LMCD1: variants seen among roughly 807,000 people sequenced by gnomAD.
LMCD1 encodes LIM and cysteine rich domains 1, also known as LIM and cysteine-rich domains protein 1.
A neutral mutation model predicts 42.7 loss-of-function variants in LMCD1; 32 were observed. That is an observed-to-expected ratio of 0.75 (90% CI 0.57 to 1.01). The LOEUF is 1.01. Ranked by LOEUF, LMCD1 falls within the 50% of genes least tolerant of loss-of-function variation. The pLI, the probability that LMCD1 is intolerant of heterozygous loss-of-function variation, is 0.00. For missense variants in LMCD1, 458 were observed against 483.1 expected (o/e 0.95, Z 0.49); for synonymous variants, 178 against 184.9 (o/e 0.96, Z 0.30).
intron 1 of LMCD1, among the ~76,000 whole-genome samples, chr3:8,507,583 G>A (rs998275766): frequency 3.3e-5 from 5 of 152,162 alleles, no homozygotes; most frequent in African/African-American, 1.2e-4. Flanking sequence ...GCAAGTTTGG[G>A]GCTAGGCAAA....
intron 3 of LMCD1, among the ~76,000 whole-genome samples, chr3:8,540,248 C>T (rs1694598756): frequency 6.6e-6 from 1 of 152,174 alleles, no homozygotes; most frequent in Non-Finnish European, 1.5e-5. Flanking sequence ...TTTGCTATCT[C>T]TCATCCTTTG....
rs949800375 is a variant in LMCD1 at position 8,572,054 on chromosome 3, G to A, written c.*4456G>A. The A allele has an allele frequency of 2.6e-5, 4 of 152,182 alleles. No homozygotes were observed. The highest frequency in any genetic ancestry group is 5.9e-5 in the Non-Finnish European group (4 of 68,032). 9.4% of individuals were successfully genotyped at this position (152,182 alleles called of 1,614,324 possible). On this transcript the variant is annotated 3_prime_UTR_variant, in exon 6 of 6. Transcript: ENST00000157600. ...TTTATAACAAAAACATTCAGTCTAA[G>A]ATCACTCATTCTATTTAGTTATCTT...
chr3:8,530,308 G>A (rs1694387938), intron 1 of LMCD1, among the ~76,000 whole-genome samples: 1 of 152,220 alleles, frequency 6.6e-6, no homozygotes, highest in Non-Finnish European at 1.5e-5. Flanking sequence ...TTTAGGCTGG[G>A]CAAGGAAATG....
chr3:8,513,597 T>C (rs891399811), intron 1 of LMCD1, among the ~76,000 whole-genome samples: 1 of 151,888 alleles, frequency 6.6e-6, no homozygotes, highest in African/African-American at 2.4e-5. Flanking sequence ...ATGTAGAACA[T>C]GACTTTCAAA....
At chr3:8,551,713 AC>A (rs1285110700) in intron 4 of LMCD1, among the ~76,000 whole-genome samples, 1 of 150,804 alleles carries the variant, frequency 6.6e-6, no homozygotes, top group Non-Finnish European at 1.5e-5. Context: ...GTTCCCAGCA[AC>A]CCCGCCATTA....
At chr3:8,523,361 A>G (rs947627615) in intron 1 of LMCD1, among the ~76,000 whole-genome samples, 1 of 152,234 alleles carries the variant, frequency 6.6e-6, no homozygotes, top group African/African-American at 2.4e-5. Flanking sequence ...ACACATACAC[A>G]TGCACACACA....
At chr3:8,509,860 T>G (rs1693959809) in intron 1 of LMCD1, among the ~76,000 whole-genome samples, 1 of 152,202 alleles carries the variant, frequency 6.6e-6, no homozygotes, top group African/African-American at 2.4e-5. Context: ...CCAGTGGCAC[T>G]GAGTGAAAAG....
chr3:8,544,416 A>G (rs537606590), intron 3 of LMCD1, among the ~76,000 whole-genome samples: 1 of 152,314 alleles, frequency 6.6e-6, no homozygotes, highest in South Asian at 2.1e-4. Context: ...TTAGCTGGGT[A>G]TGCTGTGAGC....
At chr3:8,562,707 C>G (rs2125040038) in intron 4 of LMCD1, among the ~76,000 whole-genome samples, 1 of 152,292 alleles carries the variant, frequency 6.6e-6, no homozygotes, top group Non-Finnish European at 1.5e-5. Context: ...ATTCCCTTAC[C>G]CTGTGATTGT....
intron 1 of LMCD1, among the ~76,000 whole-genome samples, chr3:8,521,797 G>T (rs964433168): frequency 6.6e-6 from 1 of 152,194 alleles, no homozygotes; most frequent in Admixed American, 6.5e-5. Context: ...GACAGTGCTG[G>T]TAGATTCGGT....
intron 4 of LMCD1, chr3:8,549,783 G>A (rs73020399): frequency 0.074 from 51,888 of 701,934 alleles, 2,645 homozygotes; most frequent in South Asian, 0.19. Context: ...TCTTCCTGGT[G>A]AGCACTCTCT....
At chr3:8,516,337 C>G (rs1694099999) in intron 1 of LMCD1, among the ~76,000 whole-genome samples, 1 of 152,130 alleles carries the variant, frequency 6.6e-6, no homozygotes, top group South Asian at 2.1e-4. Flanking sequence ...TAGTGCAAAC[C>G]TCTCATAGCT....
chr3:8,559,285 G>C (rs17049255), intron 4 of LMCD1, among the ~76,000 whole-genome samples: 8,577 of 152,208 alleles, frequency 0.056, 411 homozygotes, highest in African/African-American at 0.13. Flanking sequence ...TGTCATTTTA[G>C]GAAAGTGGTT....
chr3:8,554,401 G>A (rs6803719), intron 4 of LMCD1, among the ~76,000 whole-genome samples: 4,761 of 152,252 alleles, frequency 0.031, 283 homozygotes, highest in African/African-American at 0.11. Context: ...GGATATATAT[G>A]TGAGTGTTTA....
At chr3:8,559,683 C>T (rs887233203) in intron 4 of LMCD1, among the ~76,000 whole-genome samples, 1 of 152,216 alleles carries the variant, frequency 6.6e-6, no homozygotes, top group Non-Finnish European at 1.5e-5. Context: ...CTCTCGGCTG[C>T]TAGCTTGTCT....
At chr3:8,548,243 C>G (rs983274133) in intron 3 of LMCD1, among the ~76,000 whole-genome samples, 2 of 152,118 alleles carry the variant, frequency 1.3e-5, no homozygotes, top group Non-Finnish European at 2.9e-5. Context: ...AGATACATTT[C>G]CATGGCCCTT....
chr3:8,558,047 C>A (rs886813431), intron 4 of LMCD1, among the ~76,000 whole-genome samples: 1 of 152,154 alleles, frequency 6.6e-6, no homozygotes, highest in African/African-American at 2.4e-5. Flanking sequence ...TGAGGGCTCC[C>A]AAGGTGTGTG....
chr3:8,520,130 A>G (rs1322326645), intron 1 of LMCD1, among the ~76,000 whole-genome samples: 1 of 152,162 alleles, frequency 6.6e-6, no homozygotes, highest in East Asian at 1.9e-4. Context: ...TTGGTGTGTT[A>G]TGTCTCCCCT....
chr3:8,532,413 G>A lies in LMCD1; in HGVS notation c.43-324G>A, dbSNP rs538275428. On this transcript the variant is annotated intron_variant, in intron 1 of 5. Transcript: ENST00000157600. The stretch of plus-strand genomic sequence containing the variant: ...GTGAGAGTGGGTGAGGGTGGGGGAT[G>A]GAATAGATAGATGGTCACTCACAGC... Among the ~76,000 whole-genome samples the A allele has an allele frequency of 4.5e-4, 68 of 152,210 alleles. 1 individual carries two copies. The South Asian group carries it at 0.013, about 30-fold the overall frequency.
Sources: gnomAD v4.1 joint callset for allele counts (sites outside exome capture counted in the v4.1 genomes callset) on GRCh38, gnomAD v4.1.1 for gene constraint, MANE v1.5 for transcripts, NCBI Gene and HGNC (gene_info 2026-07-23, HGNC 2026-07-21) for gene names.